The following CCNH variants were observed in gnomAD, a reference collection of about 807,000 sequenced individuals.
The protein encoded by CCNH is cyclin H, also known as cyclin-H.
Under a neutral mutation model 41.9 loss-of-function variants are expected in CCNH, and 31 were observed. The observed-to-expected ratio is 0.74, with a 90% CI of 0.56 to 1.00. The LOEUF (loss-of-function observed/expected upper bound fraction) is 1.00. Among genes scored for constraint, CCNH ranks in the 50% least tolerant of loss-of-function variants. CCNH has a pLI of 0.00. For synonymous variants in CCNH, 138 were observed against 136.1 expected (o/e 1.01, Z -0.10); for missense variants, 362 against 388.4 (o/e 0.93, Z 0.57).
intron 9 of CCNH, among the ~76,000 whole-genome samples, chr5:87,362,013 G>A (rs1279937161): frequency 6.6e-6 from 1 of 152,136 alleles, no homozygotes; most frequent in African/African-American, 2.4e-5. Flanking sequence ...AGCTGTGGAT[G>A]GATGGGTGTG....
chr5:87,358,731 T>C (rs1759844446), intron 9 of CCNH, among the ~76,000 whole-genome samples: 2 of 152,228 alleles, frequency 1.3e-5, no homozygotes, highest in African/African-American at 4.8e-5. Flanking sequence ...TGGCAGTCCA[T>C]TAATTTTCTG....
At chr5:87,318,985 T>C (rs2112328315) in intron 9 of CCNH, 1 of 152,360 alleles carries the variant, frequency 6.6e-6, no homozygotes, top group Non-Finnish European at 1.5e-5. Context: ...ATGGGAGAAA[T>C]AGCCAAAACA....
At chr5:87,329,167 C>T (rs79295794) in intron 9 of CCNH, among the ~76,000 whole-genome samples, 4,862 of 151,720 alleles carry the variant, frequency 0.032, 162 homozygotes, top group African/African-American at 0.074. Flanking sequence ...AAAATCGACT[C>T]GGTGTGGTGG....
chr5:87,370,003 C>A, intron 9 of CCNH: 1 of 953,192 alleles, frequency 1.0e-6, no homozygotes, highest in South Asian at 1.5e-5. Context: ...AGTGACAGAA[C>A]GCCTGAAATC....
In CCNH at chr5:87,412,085, G is replaced by T. The variant is rs1764294044; in HGVS notation, c.117+593C>A. Among the ~76,000 whole-genome samples the T allele has an allele frequency of 2.0e-5, 3 of 152,120 alleles. No homozygotes were observed. The South Asian group carries it at 6.2e-4, about 31-fold the overall frequency. ...TTCACCACGAGGTTGCTAGAGCGCTGTTTCCAGAACGGAAATCTGATAAGG... is the reference window on the plus strand; with the variant it reads ...TTCACCACGAGGTTGCTAGAGCGCTTTTTCCAGAACGGAAATCTGATAAGG... On this transcript the variant is annotated intron_variant, in intron 1 of 8. Transcript: ENST00000256897.
At chr5:87,324,190 G>A (rs906125567) in intron 9 of CCNH, among the ~76,000 whole-genome samples, 1 of 152,178 alleles carries the variant, frequency 6.6e-6, no homozygotes, top group African/African-American at 2.4e-5. Flanking sequence ...AATTGATACT[G>A]TTTTGAGGAT....
chr5:87,411,085 A>G, intron 2 of CCNH, 139 bp downstream of exon 2: 1 of 800,076 alleles, frequency 1.2e-6, no homozygotes, highest in Non-Finnish European at 1.9e-6. Context: ...GCCTGTATTG[A>G]AAAATATATA....
chr5:87,378,538 G>A, upstream of CCNH: 1 of 1,605,246 alleles, frequency 6.2e-7, no homozygotes, highest in Non-Finnish European at 8.5e-7. Flanking sequence ...AGTCTTGTGA[G>A]GTAAGAATTT....
intron 9 of CCNH, chr5:87,338,103 T>A (rs1758104793): frequency 6.2e-7 from 1 of 1,611,804 alleles, no homozygotes; most frequent in Non-Finnish European, 8.5e-7. Flanking sequence ...TAAGTTTTGT[T>A]CTTTTCTTCT....
intron 9 of CCNH, among the ~76,000 whole-genome samples, chr5:87,323,911 A>C (rs1025408239): frequency 1.3e-5 from 2 of 152,028 alleles, no homozygotes. Flanking sequence ...GTATCCTCCT[A>C]CTTACTATAC....
intron 9 of CCNH, among the ~76,000 whole-genome samples, chr5:87,364,574 G>T (rs752154960): frequency 6.6e-6 from 1 of 151,900 alleles, no homozygotes; most frequent in Non-Finnish European, 1.5e-5. Context: ...CAAAGATTGC[G>T]TGAGGACAGG....
chr5:87,376,915 C>T (rs1447538989), exon 1 of CCNH: 2 of 1,610,308 alleles, frequency 1.2e-6, no homozygotes, highest in South Asian at 2.2e-5. Flanking sequence ...GTAGTCTATG[C>T]TTTATCACAT....
intron 9 of CCNH, among the ~76,000 whole-genome samples, chr5:87,356,119 T>C (rs1479914458): frequency 6.6e-6 from 1 of 152,188 alleles, no homozygotes; most frequent in African/African-American, 2.4e-5. Context: ...CTTAACTTGA[T>C]AAAGCAGCAA....
In CCNH at chr5:87,406,840, T is replaced by C. The variant is rs577321853; in HGVS notation, c.525+1136A>G. 3.3e-5 allele frequency among the ~76,000 whole-genome samples: 5 copies of C among 152,286 alleles called. No homozygotes were observed. The East Asian group carries it at 7.7e-4, about 24-fold the overall frequency. On this transcript the variant is annotated intron_variant, in intron 4 of 8. Coordinates refer to ENST00000256897, the MANE Select transcript of CCNH (RefSeq NM_001239.4). ...ATCTATTCTAATCCATTCTCCACGT[T>C]ATGCCTGACACATACAGATGCGCGA...
At chr5:87,347,581 T>C (rs894150664) in intron 9 of CCNH, among the ~76,000 whole-genome samples, 1 of 152,024 alleles carries the variant, frequency 6.6e-6, no homozygotes, top group Admixed American at 6.6e-5. Flanking sequence ...ACCCTAATTA[T>C]AGAGGTAATC....
At chr5:87,394,668 T>A in intron 8 of CCNH, 184 bp from the exon 9 acceptor site, 4 of 1,396,884 alleles carry the variant, frequency 2.9e-6, no homozygotes, top group Non-Finnish European at 3.7e-6. Flanking sequence ...ACTCCTCCAG[T>A]GAGGAATAAA....
At chr5:87,401,140 T>C (rs947149203) in intron 6 of CCNH, among the ~76,000 whole-genome samples, 1 of 152,248 alleles carries the variant, frequency 6.6e-6, no homozygotes, top group African/African-American at 2.4e-5. Context: ...AGAAGGGCCA[T>C]ACTCTCTCTG....
chr5:87,328,160 A>T (rs573071236), intron 9 of CCNH, among the ~76,000 whole-genome samples: 29 of 152,324 alleles, frequency 1.9e-4, no homozygotes, highest in African/African-American at 4.1e-4. Context: ...TGTGCCAGGT[A>T]TATTCTGTGT....
chr5:87,392,171 A>T (rs1244217739), downstream of CCNH: 9 of 434,034 alleles, frequency 2.1e-5, no homozygotes, highest in Non-Finnish European at 4.1e-5. Context: ...AATCAAAGTG[A>T]GTGAGACAGG....
Sources: gnomAD v4.1 joint callset for allele counts (sites outside exome capture counted in the v4.1 genomes callset) on GRCh38, gnomAD v4.1.1 for gene constraint, MANE v1.5 for transcripts, NCBI Gene and HGNC (gene_info 2026-07-23, HGNC 2026-07-21) for gene names.